The following SLC2A1 variants were observed in gnomAD, a reference collection of about 807,000 sequenced individuals.
SLC2A1 encodes solute carrier family 2, facilitated glucose transporter member 1.
In SLC2A1, 4 loss-of-function variants were observed where a neutral mutation model predicts 46.6. The ratio of observed to expected loss-of-function variants is 0.09; its 90% CI spans 0.04 to 0.20. The LOEUF (loss-of-function observed/expected upper bound fraction) is 0.20, where lower values mean the gene tolerates loss of function less well. Ranked by LOEUF, SLC2A1 falls within the 10% of genes least tolerant of loss-of-function variation. The pLI is 1.00. For synonymous variants in SLC2A1, 253 were observed against 270.0 expected (o/e 0.94, Z 0.62); for missense variants, 352 against 667.0 (o/e 0.53, Z 5.20).
In SLC2A1 at chr1:42,927,464, C is replaced by A; in HGVS notation, c.1278+141G>T. 1.1e-6 allele frequency: 1 copy of A among 891,714 alleles called. No individual in the cohort carries two copies. The highest frequency in any genetic ancestry group is 1.4e-5 in the South Asian group (1 of 69,454). 55.2% of individuals were successfully genotyped at this position (891,714 alleles called of 1,614,324 possible). On this transcript the variant is annotated intron_variant, in intron 9 of 9. Coordinates refer to ENST00000426263, the MANE Select transcript of SLC2A1 (RefSeq NM_006516.4). The surrounding 1 kb of genome is among the most constrained non-coding windows in gnomAD (Gnocchi z 5.3). ...GGGAGAACCCTGGAGTTGAGGTCAGCATTCTTGGTCATGTGACCTGGGCTT... is the reference window on the plus strand; with the variant it reads ...GGGAGAACCCTGGAGTTGAGGTCAGAATTCTTGGTCATGTGACCTGGGCTT...
intron 2 of SLC2A1, among the ~76,000 whole-genome samples, chr1:42,937,347 G>A (rs1190609393): frequency 1.3e-5 from 2 of 152,236 alleles, no homozygotes; most frequent in Admixed American, 6.5e-5. Flanking sequence ...GATGTGATAT[G>A]ACAGGGTGTG....
At chr1:42,947,652 G>T (rs1643673431) in intron 1 of SLC2A1, among the ~76,000 whole-genome samples, 1 of 150,462 alleles carries the variant, frequency 6.6e-6, no homozygotes, top group Non-Finnish European at 1.5e-5. Flanking sequence ...AGCCTGGGAG[G>T]CAGAAGTTGC....
At chr1:42,933,965 C>G (rs1643517513) in intron 2 of SLC2A1, among the ~76,000 whole-genome samples, 1 of 152,150 alleles carries the variant, frequency 6.6e-6, no homozygotes, top group Non-Finnish European at 1.5e-5. Context: ...TTCCCCCAAC[C>G]CTCTGTGGTT....
intron 2 of SLC2A1, among the ~76,000 whole-genome samples, chr1:42,938,231 G>GC (rs11439929): frequency 0.7 from 106,722 of 151,964 alleles, 37,567 homozygotes; most frequent in East Asian, 0.78. Context: ...CACCTCTTCT[G>GC]CTCTGTCCTC....
chr1:42,952,307 G>C (rs1433562782), intron 1 of SLC2A1: 1 of 455,370 alleles, frequency 2.2e-6, no homozygotes, highest in African/African-American at 2.0e-5. Context: ...GCAGCACTGT[G>C]TCCCCCACAG....
At chr1:42,956,432 A>AAAAAAAAAAAAAAAAAAAAAAAAC (rs1643776590) in intron 1 of SLC2A1, among the ~76,000 whole-genome samples, 1 of 73,234 alleles carries the variant, frequency 1.4e-5, no homozygotes, top group African/African-American at 6.8e-5. Flanking sequence ...AAAAAAAAAA[A>AAAAAAAAAAAAAAAAAAAAAAAAC]ACATTAGCTG....
At chr1:42,955,664 T>A (rs750136397) in intron 1 of SLC2A1, among the ~76,000 whole-genome samples, 8 of 152,164 alleles carry the variant, frequency 5.3e-5, no homozygotes, top group Non-Finnish European at 1.2e-4. Context: ...CCTGCAGATT[T>A]CTGATTTTTC....
intron 1 of SLC2A1, among the ~76,000 whole-genome samples, chr1:42,946,420 G>GT (rs767710935): frequency 1.3e-5 from 2 of 152,168 alleles, no homozygotes; most frequent in Non-Finnish European, 2.9e-5. Context: ...GGAGTTTCCA[G>GT]TACAGTGGGG....
rs1184570993 is a variant in SLC2A1 at position 42,929,695 on chromosome 1, C to G, written c.765G>C (p.Lys255Asn). 2 of 1,613,864 alleles carry G rather than the reference C, an allele frequency of 1.2e-6. No homozygotes were observed. The highest frequency in any genetic ancestry group is 1.1e-5 in the South Asian group (1 of 91,084). Residue 255 changes from lysine (K) to asparagine (N), a missense_variant, in exon 6 of 10, where the codon AAG becomes AAC. Lys to Asn is a moderately conservative substitution (Grantham distance 94). Coordinates refer to ENST00000426263, the MANE Select transcript of SLC2A1 (RefSeq NM_006516.4). The surrounding 1 kb of genome is among the most constrained non-coding windows in gnomAD (Gnocchi z 6.0). ...GGAACAGCTCCAGGATGGTGACCTTCTTCTCCCGCATCATCTGCCGACTCT... is the reference window on the plus strand; with the variant it reads ...GGAACAGCTCCAGGATGGTGACCTTGTTCTCCCGCATCATCTGCCGACTCT... ...KEESRQMMREKKVTILELFRS... is the reference protein window; with the variant it reads ...KEESRQMMRENKVTILELFRS...
intron 2 of SLC2A1, among the ~76,000 whole-genome samples, chr1:42,940,906 G>A (rs940956678): frequency 6.6e-6 from 1 of 152,062 alleles, no homozygotes; most frequent in African/African-American, 2.4e-5. Flanking sequence ...GTCACCCCAC[G>A]CCTCCATTCC....
At position 42,926,566 on chromosome 1, in the gene SLC2A1, C is replaced by A; in HGVS notation, c.*475G>T. The A allele has an allele frequency of 2.0e-6, 1 of 491,176 alleles. No individual in the cohort carries two copies. 30.4% of individuals were successfully genotyped at this position (491,176 alleles called of 1,614,324 possible). On this transcript the variant is annotated 3_prime_UTR_variant, in exon 10 of 10. Coordinates refer to ENST00000426263, the MANE Select transcript of SLC2A1 (RefSeq NM_006516.4). The stretch of plus-strand genomic sequence containing the variant: ...GCCTGACCCCTAGAGTGGGGAGATC[C>A]AGGCCAGCAGAACGGGTGGCCATAG...
intron 1 of SLC2A1, among the ~76,000 whole-genome samples, chr1:42,943,910 T>A (rs1643623670): frequency 6.6e-6 from 1 of 152,176 alleles, no homozygotes; most frequent in Non-Finnish European, 1.5e-5. Context: ...ATTGGAGATG[T>A]GATCCCACCT....
Position 42,925,441 on chromosome 1 carries a change from T to TACTG in SLC2A1, c.*1596_*1599dup, listed in dbSNP as rs1223948431. The TACTG allele has an allele frequency of 1.3e-5, 2 of 152,242 alleles. No individual in the cohort carries two copies. The highest frequency in any genetic ancestry group is 1.3e-4 in the Admixed American group (2 of 15,290). 9.4% of individuals were successfully genotyped at this position (152,242 alleles called of 1,614,324 possible). A position where few individuals can be genotyped will look rare whatever the true frequency, so the allele number is the denominator to read the frequency against. Reference sequence around the variant, plus strand: ...AGTGCCTGCTGTGCATCAAGCACTGTACTGAATAGTGCTGAGGACCCACAG... The same window carrying TACTG: ...AGTGCCTGCTGTGCATCAAGCACTGTACTGACTGAATAGTGCTGAGGACCCACAG... On this transcript the variant is annotated 3_prime_UTR_variant, in exon 10 of 10. Coordinates refer to ENST00000426263, the MANE Select transcript of SLC2A1 (RefSeq NM_006516.4).
At chr1:42,951,794 AG>A in intron 1 of SLC2A1, 1 of 398,728 alleles carries the variant, frequency 2.5e-6, no homozygotes. Context: ...GGCTGGAGTG[AG>A]GGTAGTTCAT....
At chr1:42,945,501 G>GCA (rs1643644411) in intron 1 of SLC2A1, among the ~76,000 whole-genome samples, 1 of 152,030 alleles carries the variant, frequency 6.6e-6, no homozygotes, top group African/African-American at 2.4e-5. Context: ...AAGAGGCTAG[G>GCA]CACGGTGGCT....
rs2124445071 is a variant in SLC2A1 at position 42,926,909 on chromosome 1, T to C, written c.*132A>G. 2 of 1,519,444 alleles carry C rather than the reference T, an allele frequency of 1.3e-6. No homozygotes were observed. The highest frequency in any genetic ancestry group is 1.4e-5 in the African/African-American group (1 of 72,190). The allele number at this position is 1,519,444 out of a possible 1,614,324, so 94.1% of individuals were successfully genotyped here. On this transcript the variant is annotated 3_prime_UTR_variant, in exon 10 of 10. Transcript: ENST00000426263. ...TGAATATTCTTCTGGACATCATTGC[T>C]GGCTGGAGAAAGGAGCCCCAGGCCC...
At chr1:42,952,174 C>A in intron 1 of SLC2A1, 1 of 509,796 alleles carries the variant, frequency 2.0e-6, no homozygotes. Context: ...CTGGAATAAG[C>A]AGGGGTGATC....
At chr1:42,939,976 T>C (rs1370401690) in intron 2 of SLC2A1, among the ~76,000 whole-genome samples, 1 of 139,840 alleles carries the variant, frequency 7.2e-6, no homozygotes, top group African/African-American at 2.7e-5. Context: ...AAAAAAAAGG[T>C]ATCTCAGTCC....
chr1:42,931,253 C>A (rs1424609425), intron 2 of SLC2A1, 47 bp from the exon 3 acceptor site: 1 of 1,593,908 alleles, frequency 6.3e-7, no homozygotes, highest in African/African-American at 1.3e-5. Context: ...GGGCCAGGAC[C>A]CAGTCTTCCT....
Sources: gnomAD v4.1 joint callset for allele counts (sites outside exome capture counted in the v4.1 genomes callset) on GRCh38, gnomAD v4.1.1 for gene constraint, Gnocchi (gnomAD v3.1) non-coding constraint, MANE v1.5 for transcripts, NCBI Gene and HGNC (gene_info 2026-07-23, HGNC 2026-07-21) for gene names.